NACC2: variants seen among roughly 807,000 people sequenced by gnomAD.
NACC2 encodes the protein nucleus accumbens-associated protein 2.
In NACC2, 8 loss-of-function variants were observed where a neutral mutation model predicts 25.1. The observed-to-expected ratio is 0.32, with a 90% CI of 0.19 to 0.57. The LOEUF (loss-of-function observed/expected upper bound fraction) is 0.57. Among genes scored for constraint, NACC2 ranks in the 20% least tolerant of loss-of-function variants. The pLI is 0.89. For missense variants in NACC2, 644 were observed against 650.2 expected, an observed-to-expected ratio of 0.99 and a Z score of 0.10; for synonymous variants, 435 against 294.7, an observed-to-expected ratio of 1.48 and a Z score of -4.88.
Position 136,020,759 on chromosome 9 carries a change from A to G in NACC2, c.887-4330T>C, listed in dbSNP as rs186144624. Among the ~76,000 whole-genome samples, 53 of 152,296 alleles carry G rather than the reference A, an allele frequency of 3.5e-4. No individual in the cohort carries two copies. Among genetic ancestry groups the G allele is most frequent in the Admixed American group, 3.5e-3 (53 of 15,304 alleles). On this transcript the variant is annotated intron_variant, in intron 2 of 5. Coordinates refer to ENST00000277554, the MANE Select transcript of NACC2 (RefSeq NM_144653.5). The surrounding 1 kb of genome is among the most constrained non-coding windows in gnomAD (Gnocchi z 4.7). ...TTCAGGGAAGTGGACAGACAGGTCA[A>G]TGGCACAGAATAGGAGACCCACAGA...
At chr9:136,049,513 C>T in intron 2 of NACC2, 123 bp downstream of exon 2, 1 of 611,520 alleles carries the variant, frequency 1.6e-6, no homozygotes, top group African/African-American at 1.9e-5. Flanking sequence ...CTCCTCCAGG[C>T]TTGGTGGGGG....
At position 136,050,681 on chromosome 9, in the gene NACC2, G is replaced by C. The variant is rs995624997; in HGVS notation, c.-59-101C>G. The C allele has an allele frequency of 1.2e-4, 77 of 637,646 alleles. No individual in the cohort carries two copies. In the Middle Eastern group the frequency reaches 7.0e-3, roughly 58 times the overall value. The allele number at this position is 637,646 out of a possible 1,614,324, so 39.5% of individuals were successfully genotyped here. On this transcript the variant is annotated intron_variant, in intron 1 of 5. Coordinates refer to ENST00000277554, the MANE Select transcript of NACC2 (RefSeq NM_144653.5). ...TCCTCCCCCGCCGGGGGCTTACAAA[G>C]AGCGAGCCTTCCGCACGCGCCCTCC...
In NACC2 at chr9:136,022,107, T is replaced by TG. The variant is rs145102796; in HGVS notation, c.887-5679dup. Among the ~76,000 whole-genome samples the TG allele has an allele frequency of 4.5e-3, 681 of 152,330 alleles. 6 individuals carry two copies. Among genetic ancestry groups the TG allele is most frequent in the African/African-American group, 0.016 (645 of 41,572 alleles). Reference sequence around the variant, plus strand: ...CCTGGCACATGCCCTGCACTATCTCTGCAGCTGCCGGCTTGGCACAGACCA... The same window carrying TG: ...CCTGGCACATGCCCTGCACTATCTCTGGCAGCTGCCGGCTTGGCACAGACCA... On this transcript the variant is annotated intron_variant, in intron 2 of 5. Transcript: ENST00000277554. This position sits in a 1 kb window ranked among gnomAD's most constrained non-coding sequence, Gnocchi z 4.4.
Position 136,011,852 on chromosome 9 carries a change from G to A in NACC2, c.1428C>T (p.Ser476=), listed in dbSNP as rs767649876. 9.6e-6 allele frequency: 15 copies of A among 1,561,656 alleles called. No homozygotes were observed. The highest frequency in any genetic ancestry group is 1.2e-5 in the Non-Finnish European group (14 of 1,156,914). The change falls in exon 6 of 6, where the codon AGC becomes AGT. Residue 476 remains serine, a synonymous_variant. Transcript: ENST00000277554. ...GCGGGAACTCGGGGTCGAGGGGCAC[G>A]CTGGCGGCGGCGGAGCCCATGACCG... ...YRTVMGSAAA[S]VPLDPEFPPA...
chr9:136,020,762 G>A lies in NACC2; in HGVS notation c.887-4333C>T, dbSNP rs1222344505. Among the ~76,000 whole-genome samples the A allele has an allele frequency of 6.6e-6, 1 of 152,150 alleles. No homozygotes were observed. The highest frequency in any genetic ancestry group is 1.5e-5 in the Non-Finnish European group (1 of 68,028). On this transcript the variant is annotated intron_variant, in intron 2 of 5. Transcript: ENST00000277554. The surrounding 1 kb of genome is among the most constrained non-coding windows in gnomAD (Gnocchi z 4.7). ...AGGGAAGTGGACAGACAGGTCAATG[G>A]CACAGAATAGGAGACCCACAGACAG...
intron 1 of NACC2, among the ~76,000 whole-genome samples, chr9:136,060,736 C>G (rs890029669): frequency 6.6e-6 from 1 of 152,182 alleles, no homozygotes; most frequent in Non-Finnish European, 1.5e-5. Flanking sequence ...CCGGTGAGCA[C>G]GGAGCCATCA....
rs1226287296 is a variant in NACC2, at chr9:136,018,199, C to G, written c.887-1770G>C. 6.6e-6 allele frequency among the ~76,000 whole-genome samples: 1 copy of G among 152,150 alleles called. No homozygotes were observed. The highest frequency in any genetic ancestry group is 1.5e-5 in the Non-Finnish European group (1 of 68,002). On this transcript the variant is annotated intron_variant, in intron 2 of 5. Transcript: ENST00000277554. The surrounding 1 kb of genome is among the most constrained non-coding windows in gnomAD (Gnocchi z 4.4). ...GGCCATGCTGTCCCTGTTCCCAGTC[C>G]CTCCATGACCCCCACCTTGGAGAGT... is the stretch of plus-strand genomic sequence containing the variant.
chr9:136,023,794 T>C (rs944295278), intron 2 of NACC2, among the ~76,000 whole-genome samples: 2 of 152,192 alleles, frequency 1.3e-5, no homozygotes, highest in African/African-American at 4.8e-5. Flanking sequence ...TCACAGCACA[T>C]GGCACGGGTC....
At chr9:136,060,033 G>A (rs1840986627) in intron 1 of NACC2, among the ~76,000 whole-genome samples, 1 of 152,254 alleles carries the variant, frequency 6.6e-6, no homozygotes, top group Non-Finnish European at 1.5e-5. Context: ...ACTCTGCCAT[G>A]AGACAGGGAT....
intron 2 of NACC2, among the ~76,000 whole-genome samples, chr9:136,037,887 C>A (rs1588566434): frequency 2.7e-5 from 4 of 148,956 alleles, no homozygotes; most frequent in Admixed American, 1.4e-4. Flanking sequence ...TAAGTGCATA[C>A]AAAATCCAGT....
At chr9:136,094,801 C>A (rs1292306941) in intron 1 of NACC2, among the ~76,000 whole-genome samples, 3 of 152,032 alleles carry the variant, frequency 2.0e-5, no homozygotes, top group Non-Finnish European at 4.4e-5. Context: ...AGGGCTGGAT[C>A]GGCCAGTCGG....
chr9:136,088,296 G>A (rs753783294), intron 1 of NACC2, among the ~76,000 whole-genome samples: 13 of 152,150 alleles, frequency 8.5e-5, no homozygotes, highest in Non-Finnish European at 1.5e-4. Flanking sequence ...AAGGGATGAC[G>A]GGGGCAGGGG....
chr9:136,043,191 C>G (rs960283835), intron 2 of NACC2, among the ~76,000 whole-genome samples: 8 of 152,190 alleles, frequency 5.3e-5, no homozygotes, highest in Non-Finnish European at 1.0e-4. Flanking sequence ...AATGAAAAGG[C>G]AGGTCAGACT....
At chr9:136,079,408 C>A (rs977765406) in intron 1 of NACC2, among the ~76,000 whole-genome samples, 3 of 152,204 alleles carry the variant, frequency 2.0e-5, no homozygotes, top group Admixed American at 6.5e-5. Context: ...GAAGCCAATG[C>A]GTGGACTCCG....
At chr9:136,087,127 C>T (rs1319613366) in intron 1 of NACC2, among the ~76,000 whole-genome samples, 1 of 152,232 alleles carries the variant, frequency 6.6e-6, no homozygotes, top group Non-Finnish European at 1.5e-5. Context: ...CATGATCCCA[C>T]ATGCCAAGAA....
intron 2 of NACC2, among the ~76,000 whole-genome samples, chr9:136,034,189 G>A (rs1303746650): frequency 7.9e-5 from 12 of 152,082 alleles, no homozygotes; most frequent in South Asian, 2.1e-4. Flanking sequence ...GCAGGCCAGC[G>A]GCGGAAAAGA....
intron 1 of NACC2, among the ~76,000 whole-genome samples, chr9:136,056,135 G>T (rs1345430718): frequency 6.6e-6 from 1 of 152,222 alleles, no homozygotes; most frequent in East Asian, 1.9e-4. Context: ...AACCCTGGGG[G>T]GTAGAGGCTG....
intron 2 of NACC2, among the ~76,000 whole-genome samples, chr9:136,039,078 C>T (rs1018980396): frequency 3.9e-5 from 6 of 152,120 alleles, no homozygotes; most frequent in Non-Finnish European, 8.8e-5. Context: ...TATGCCGTCT[C>T]TAAAAAATAC....
At chr9:136,064,632 A>G (rs1440705079) in intron 1 of NACC2, among the ~76,000 whole-genome samples, 1 of 152,236 alleles carries the variant, frequency 6.6e-6, no homozygotes, top group African/African-American at 2.4e-5. Context: ...ATGTTAATTA[A>G]GGAATATGTC....
Sources: allele counts gnomAD v4.1 joint callset (sites outside exome capture counted in the v4.1 genomes callset), GRCh38; gene constraint gnomAD v4.1.1; non-coding constraint Gnocchi (gnomAD v3.1); transcripts MANE v1.5; gene names NCBI Gene and HGNC (gene_info 2026-07-23, HGNC 2026-07-21).